The following LINGO2 variants were observed in gnomAD, a reference collection of about 807,000 sequenced individuals.
LINGO2 encodes leucine-rich repeat and immunoglobulin-like domain-containing nogo receptor-interacting protein 2.
LINGO2 carries 14 observed loss-of-function variants against 30.6 expected under a neutral mutation model. That is an observed-to-expected ratio of 0.46 (90% confidence interval 0.30 to 0.72). The LOEUF (loss-of-function observed/expected upper bound fraction) is 0.72. Ranked by LOEUF, LINGO2 falls within the 30% of genes least tolerant of loss-of-function variation. The pLI, the probability that LINGO2 is intolerant of heterozygous loss-of-function variation, is 0.07. For missense variants in LINGO2, 729 were observed against 751.7 expected, an observed-to-expected ratio of 0.97 and a Z score of 0.35; for synonymous variants, 317 against 288.5, an observed-to-expected ratio of 1.10 and a Z score of -1.00.
the LINGO2 span, among the ~76,000 whole-genome samples, chr9:29,016,603 G>A: frequency 2.0e-5 from 3 of 152,040 alleles, no homozygotes; most frequent in Non-Finnish European, 4.4e-5. Context: ...TTATAAAAAA[G>A]ATTCATAACC....
chr9:28,235,035 T>C (rs1281391750), intron 4 of LINGO2, among the ~76,000 whole-genome samples: 1 of 152,126 alleles, frequency 6.6e-6, no homozygotes, highest in Non-Finnish European at 1.5e-5. Flanking sequence ...CACTGAGAAA[T>C]TCACCATCCT....
chr9:28,772,499 A>G, the LINGO2 span, among the ~76,000 whole-genome samples: 1 of 152,204 alleles, frequency 6.6e-6, no homozygotes, highest in Non-Finnish European at 1.5e-5. Flanking sequence ...AACCAGTAAA[A>G]TGAGACCCCA....
chr9:28,236,434 T>C (rs1821568017), intron 4 of LINGO2, among the ~76,000 whole-genome samples: 1 of 152,142 alleles, frequency 6.6e-6, no homozygotes, highest in Non-Finnish European at 1.5e-5. Flanking sequence ...CGGAATAGTT[T>C]AACACAGTAA....
intron 4 of LINGO2, among the ~76,000 whole-genome samples, chr9:28,171,631 T>C (rs572432463): frequency 1.3e-5 from 2 of 152,256 alleles, no homozygotes; most frequent in South Asian, 2.1e-4. Context: ...TACCAATGTA[T>C]CTTTTTTTCA....
At chr9:28,420,375 T>C (rs1587647198) in intron 2 of LINGO2, among the ~76,000 whole-genome samples, 1 of 152,204 alleles carries the variant, frequency 6.6e-6, no homozygotes, top group East Asian at 1.9e-4. Context: ...CATTCCTTCA[T>C]GGTTATATAG....
the LINGO2 span, among the ~76,000 whole-genome samples, chr9:28,919,254 C>CA: frequency 6.6e-6 from 1 of 152,066 alleles, no homozygotes; most frequent in African/African-American, 2.4e-5. Flanking sequence ...ACCTATCATG[C>CA]AGTCATGCTT....
At chr9:28,259,851 T>C (rs1312918142) in intron 4 of LINGO2, among the ~76,000 whole-genome samples, 2 of 151,890 alleles carry the variant, frequency 1.3e-5, no homozygotes, top group Admixed American at 1.3e-4. Context: ...CAGCCCTGAT[T>C]AGAGCAGGAT....
chr9:28,284,556 T>G (rs1020359140), intron 4 of LINGO2, among the ~76,000 whole-genome samples: 1 of 152,184 alleles, frequency 6.6e-6, no homozygotes, highest in East Asian at 1.9e-4. Context: ...CTTTCAAAAT[T>G]AATGACAGTC....
intron 1 of LINGO2, among the ~76,000 whole-genome samples, chr9:28,515,330 C>A (rs1287569343): frequency 6.6e-6 from 1 of 151,854 alleles, no homozygotes; most frequent in Non-Finnish European, 1.5e-5. Context: ...CCTCAGCCTC[C>A]TGAGTAGCTG....
chr9:28,441,556 C>T (rs1824199468), intron 2 of LINGO2, among the ~76,000 whole-genome samples: 1 of 152,002 alleles, frequency 6.6e-6, no homozygotes, highest in Admixed American at 6.6e-5. Flanking sequence ...CAGGGTGGAA[C>T]ATCCCAGGTT....
chr9:28,393,214 G>A (rs1821905327), intron 2 of LINGO2, among the ~76,000 whole-genome samples: 2 of 152,174 alleles, frequency 1.3e-5, no homozygotes, highest in African/African-American at 4.8e-5. Context: ...TATGCCCTGG[G>A]GGCAGGAACA....
chr9:28,218,557 G>A (rs1820849879), intron 4 of LINGO2, among the ~76,000 whole-genome samples: 1 of 152,044 alleles, frequency 6.6e-6, no homozygotes, highest in African/African-American at 2.4e-5. Flanking sequence ...TCATCTCACA[G>A]CCCAATATCC....
chr9:28,360,044 T>C (rs1218320571), intron 3 of LINGO2, among the ~76,000 whole-genome samples: 1 of 152,198 alleles, frequency 6.6e-6, no homozygotes, highest in East Asian at 1.9e-4. Context: ...GCATGTACAC[T>C]AAAACTTTTC....
At chr9:28,899,372 C>A in the LINGO2 span, among the ~76,000 whole-genome samples, 42 of 152,164 alleles carry the variant, frequency 2.8e-4, no homozygotes, top group African/African-American at 9.9e-4. Flanking sequence ...CAGTTCCAGG[C>A]CAATCCCCAT....
intron 3 of LINGO2, among the ~76,000 whole-genome samples, chr9:28,371,643 C>CT (rs1187141023): frequency 9.9e-5 from 15 of 152,170 alleles, no homozygotes; most frequent in Non-Finnish European, 1.9e-4. Flanking sequence ...CACTGCAGGG[C>CT]TACGCTGTAC....
the LINGO2 span, among the ~76,000 whole-genome samples, chr9:28,967,202 G>C: frequency 6.6e-6 from 1 of 152,128 alleles, no homozygotes; most frequent in Admixed American, 6.5e-5. Flanking sequence ...GCCCAAGGCA[G>C]TGCCCAATTC....
At chr9:28,435,838 G>T (rs1478861387) in intron 2 of LINGO2, among the ~76,000 whole-genome samples, 2 of 152,124 alleles carry the variant, frequency 1.3e-5, no homozygotes, top group African/African-American at 4.8e-5. Context: ...CAATACAAAA[G>T]ATAATAGAAT....
intron 3 of LINGO2, among the ~76,000 whole-genome samples, chr9:28,330,481 T>G (rs536881605): frequency 6.6e-6 from 1 of 152,202 alleles, no homozygotes; most frequent in Non-Finnish European, 1.5e-5. Context: ...TGAGCCAATA[T>G]TGATACATTA....
intron 4 of LINGO2, among the ~76,000 whole-genome samples, chr9:28,026,467 T>A (rs917855517): frequency 6.6e-6 from 1 of 152,186 alleles, no homozygotes; most frequent in African/African-American, 2.4e-5. Flanking sequence ...CCAAATAATC[T>A]GCATTTCTAA....
Sources: gnomAD v4.1 joint callset for allele counts (sites outside exome capture counted in the v4.1 genomes callset) on GRCh38, gnomAD v4.1.1 for gene constraint, MANE v1.5 for transcripts, NCBI Gene and HGNC (gene_info 2026-07-23, HGNC 2026-07-21) for gene names.